The following COL13A1 variants were observed in gnomAD, a reference collection of about 807,000 sequenced individuals.
COL13A1 encodes the protein collagen type XIII alpha 1 chain.
In COL13A1, 89 loss-of-function variants were observed where a neutral mutation model predicts 130.9. That is an observed-to-expected ratio of 0.68 (90% CI 0.57 to 0.81). The LOEUF (loss-of-function observed/expected upper bound fraction) is 0.81. Ranked by LOEUF, COL13A1 falls within the 30% of genes least tolerant of loss-of-function variation. The probability of loss-of-function intolerance (pLI) is 0.00; values close to 1 mark genes in which losing one functional copy is unlikely to be tolerated. For missense variants in COL13A1, 879 were observed against 934.6 expected (o/e 0.94, Z 0.78); for synonymous variants, 402 against 341.6 (o/e 1.18, Z -1.95).
Position 69,944,476 on chromosome 10 carries a change from C to T in COL13A1, c.1968+298C>T, listed in dbSNP as rs7091714. Among the ~76,000 whole-genome samples the T allele has an allele frequency of 0.086, 13,091 of 151,954 alleles. 1,023 individuals carry two copies. The highest frequency in any genetic ancestry group is 0.21 in the African/African-American group (8,816 of 41,388). On this transcript the variant is annotated intron_variant, in intron 36 of 40. Transcript: ENST00000645393. Reference sequence around the variant, plus strand: ...TCTGAGACCAGCCTGGACAACATAGCGCAACCCAGACTCTACAAAAAATTT... The same window carrying T: ...TCTGAGACCAGCCTGGACAACATAGTGCAACCCAGACTCTACAAAAAATTT...
intron 10 of COL13A1, among the ~76,000 whole-genome samples, chr10:69,891,457 C>A (rs1278772046): frequency 6.6e-6 from 1 of 152,150 alleles, no homozygotes; most frequent in African/African-American, 2.4e-5. Flanking sequence ...AGGAAGGGCA[C>A]TGGAGGCAGA....
chr10:69,905,956 A>C (rs1589428557), intron 17 of COL13A1, 134 bp downstream of exon 17: 16 of 964,242 alleles, frequency 1.7e-5, no homozygotes, highest in Non-Finnish European at 2.3e-5. Flanking sequence ...CCAGGTTCTC[A>C]CTGGCCCCCC....
chr10:69,946,408 G>A (rs1251920257), intron 37 of COL13A1, among the ~76,000 whole-genome samples: 1 of 152,204 alleles, frequency 6.6e-6, no homozygotes, highest in African/African-American at 2.4e-5. Flanking sequence ...GGCCTTGCAG[G>A]GGACACCTGG....
intron 1 of COL13A1, among the ~76,000 whole-genome samples, chr10:69,812,851 G>A (rs892855352): frequency 1.2e-4 from 19 of 152,290 alleles, no homozygotes; most frequent in African/African-American, 4.1e-4. Flanking sequence ...CTGTGCCTGG[G>A]CCCCTCACCT....
At chr10:69,851,204 T>C (rs1414265115) in intron 2 of COL13A1, among the ~76,000 whole-genome samples, 1 of 152,234 alleles carries the variant, frequency 6.6e-6, no homozygotes, top group Non-Finnish European at 1.5e-5. Flanking sequence ...TTGGGCTCAA[T>C]GAATACATCT....
chr10:69,835,159 G>A (rs1849721596), intron 2 of COL13A1, among the ~76,000 whole-genome samples: 2 of 152,156 alleles, frequency 1.3e-5, no homozygotes, highest in African/African-American at 4.8e-5. Flanking sequence ...GCTGGGGGCA[G>A]ATGAGCTCCC....
At chr10:69,936,845 T>C in intron 33 of COL13A1, 63 bp downstream of exon 33, 3 of 1,597,402 alleles carry the variant, frequency 1.9e-6, no homozygotes, top group Non-Finnish European at 2.6e-6. Context: ...AAAGTGCACC[T>C]GAGACCAGCT....
At chr10:69,830,057 G>A (rs1324289491) in intron 2 of COL13A1, among the ~76,000 whole-genome samples, 1 of 152,162 alleles carries the variant, frequency 6.6e-6, no homozygotes, top group South Asian at 2.1e-4. Flanking sequence ...GGCCAGAAGA[G>A]CCCTGGACTG....
intron 30 of COL13A1, among the ~76,000 whole-genome samples, chr10:69,932,237 T>C (rs1056679510): frequency 2.0e-5 from 3 of 152,206 alleles, no homozygotes; most frequent in African/African-American, 7.2e-5. Flanking sequence ...CTGTATGACA[T>C]GTATGTTATA....
intron 26 of COL13A1, among the ~76,000 whole-genome samples, chr10:69,926,877 G>C (rs1007496702): frequency 6.6e-6 from 1 of 152,092 alleles, no homozygotes; most frequent in African/African-American, 2.4e-5. Context: ...GAGATGCTAC[G>C]TATTCTCTCT....
At chr10:69,837,934 T>G (rs542609311) in intron 2 of COL13A1, among the ~76,000 whole-genome samples, 1 of 152,340 alleles carries the variant, frequency 6.6e-6, no homozygotes, top group East Asian at 1.9e-4. Flanking sequence ...AAGCCCCCTG[T>G]GATGTGACGA....
At chr10:69,834,824 A>C (rs1849630703) in intron 2 of COL13A1, among the ~76,000 whole-genome samples, 1 of 152,180 alleles carries the variant, frequency 6.6e-6, no homozygotes, top group Non-Finnish European at 1.5e-5. Context: ...GGAAATGCTG[A>C]GGGCCCTGGA....
chr10:69,946,731 CA>C (rs1166368578), intron 37 of COL13A1, among the ~76,000 whole-genome samples: 2 of 152,222 alleles, frequency 1.3e-5, no homozygotes, highest in Non-Finnish European at 2.9e-5. Flanking sequence ...CGGGAAAACC[CA>C]GCCACAGGCC....
At chr10:69,897,396 G>T (rs938552110) in intron 13 of COL13A1, 370 of 1,447,186 alleles carry the variant, frequency 2.6e-4, no homozygotes, top group Middle Eastern at 3.5e-4. Context: ...GTGGGGAGCA[G>T]GGGAGCTGGT....
chr10:69,895,391 C>T (rs750832517), intron 12 of COL13A1, among the ~76,000 whole-genome samples, 159 bp from the exon 13 acceptor site: 5 of 152,196 alleles, frequency 3.3e-5, no homozygotes, highest in Non-Finnish European at 7.4e-5. Context: ...AAGGGAGGGA[C>T]TTAGTTCTTC....
chr10:69,834,251 C>T (rs557913262), intron 2 of COL13A1, among the ~76,000 whole-genome samples: 47 of 152,254 alleles, frequency 3.1e-4, no homozygotes, highest in African/African-American at 9.4e-4. Context: ...CTATTGCCAC[C>T]GCTGACCTCC....
At chr10:69,844,161 A>G (rs1389104061) in intron 2 of COL13A1, among the ~76,000 whole-genome samples, 7 of 152,192 alleles carry the variant, frequency 4.6e-5, no homozygotes, top group Admixed American at 4.6e-4. Context: ...GGGCAGGAGG[A>G]CATTCCAAAC....
At chr10:69,847,579 C>G (rs769531262) in intron 2 of COL13A1, among the ~76,000 whole-genome samples, 2 of 152,190 alleles carry the variant, frequency 1.3e-5, no homozygotes, top group African/African-American at 4.8e-5. Flanking sequence ...AGAGCCAGGA[C>G]AGAAGAGAAT....
rs2071271373 is a variant in COL13A1, at chr10:69,958,626, C to T, written c.2185-73C>T. ...CCAACCCAGGACAAGATTTACCTCC[C>T]TTCCTACAAAGGAAATAAACCTCTG... On this transcript the variant is annotated intron_variant, in intron 40 of 40. Transcript: ENST00000645393. The T allele has an allele frequency of 2.6e-5, 42 of 1,610,644 alleles. 1 individual carries two copies. In the South Asian group the frequency reaches 4.1e-4, roughly 16 times the overall value.
Sources: allele counts gnomAD v4.1 joint callset (sites outside exome capture counted in the v4.1 genomes callset), GRCh38; gene constraint gnomAD v4.1.1; transcripts MANE v1.5; gene names NCBI Gene and HGNC (gene_info 2026-07-23, HGNC 2026-07-21).